CASD1: variants seen among roughly 807,000 people sequenced by gnomAD.
The protein encoded by CASD1 is N-acetylneuraminate (7)9-O-acetyltransferase.
In CASD1, 41 loss-of-function variants were observed where a neutral mutation model predicts 100.0. That is an observed-to-expected ratio of 0.41 (90% CI 0.32 to 0.53). The LOEUF (loss-of-function observed/expected upper bound fraction) is 0.53. Ranked by LOEUF, CASD1 falls within the 20% of genes least tolerant of loss-of-function variation. The pLI is 0.25. For missense variants in CASD1, 774 were observed against 948.7 expected (o/e 0.82, Z 2.42); for synonymous variants, 321 against 315.6 (o/e 1.02, Z -0.18).
the CASD1 span, among the ~76,000 whole-genome samples, chr7:94,591,041 C>A: frequency 7.9e-5 from 12 of 152,216 alleles, 1 homozygote; most frequent in East Asian, 1.7e-3. Context: ...AATAATTCAT[C>A]CCGACGATTA....
At chr7:94,587,586 C>T in the CASD1 span, 2 of 1,374,708 alleles carry the variant, frequency 1.5e-6, no homozygotes, top group Non-Finnish European at 1.9e-6. Context: ...TTAGGTGACT[C>T]ATTTTTATAA....
the CASD1 span, chr7:94,588,016 GT>G: frequency 7.2e-7 from 1 of 1,389,200 alleles, no homozygotes; most frequent in African/African-American, 1.5e-5. Flanking sequence ...GGCATTAATG[GT>G]TCCCTGGCAA....
chr7:94,512,171 C>T (rs1292842406), intron 1 of CASD1, among the ~76,000 whole-genome samples: 2 of 152,174 alleles, frequency 1.3e-5, no homozygotes, highest in Admixed American at 6.5e-5. Flanking sequence ...GGTGGCCAAT[C>T]TTTTGGCTTC....
intron 5 of CASD1, among the ~76,000 whole-genome samples, chr7:94,532,452 A>G (rs1794896813): frequency 1.3e-5 from 2 of 152,160 alleles, no homozygotes; most frequent in Admixed American, 1.3e-4. Context: ...GGTAGCATAT[A>G]CAGCGTGATA....
At chr7:94,618,027 G>C in the CASD1 span, 1 of 152,188 alleles carries the variant, frequency 6.6e-6, no homozygotes. Flanking sequence ...TCAACCTACA[G>C]ATTAAAAATT....
the CASD1 span, chr7:94,619,238 G>A: frequency 3.5e-6 from 1 of 283,926 alleles, no homozygotes; most frequent in Non-Finnish European, 6.6e-6. Context: ...ACTAAGAAAA[G>A]CTAAATCTAC....
At chr7:94,600,364 AAAAT>A in the CASD1 span, 1 of 376,728 alleles carries the variant, frequency 2.7e-6, no homozygotes, top group Admixed American at 4.3e-5. Context: ...TTGTATAACC[AAAAT>A]ATCTAGCCTC....
the CASD1 span, among the ~76,000 whole-genome samples, chr7:94,570,965 G>T: frequency 6.6e-6 from 1 of 151,524 alleles, no homozygotes; most frequent in Non-Finnish European, 1.5e-5. Flanking sequence ...ACTACCTTGA[G>T]CATTTCTTGT....
chr7:94,511,192 A>G (rs1421928892), intron 1 of CASD1, among the ~76,000 whole-genome samples: 1 of 152,210 alleles, frequency 6.6e-6, no homozygotes, highest in East Asian at 1.9e-4. Flanking sequence ...AATACTATCA[A>G]AGCCATTATC....
At chr7:94,608,683 C>T in the CASD1 span, among the ~76,000 whole-genome samples, 63 of 152,126 alleles carry the variant, frequency 4.1e-4, no homozygotes, top group Non-Finnish European at 1.2e-4. Context: ...TACTATAAAG[C>T]TACAGCAATC....
At chr7:94,520,924 T>C (rs915425320) in intron 3 of CASD1, among the ~76,000 whole-genome samples, 3 of 152,208 alleles carry the variant, frequency 2.0e-5, no homozygotes, top group Non-Finnish European at 2.9e-5. Context: ...AAACCCCATC[T>C]CTACTAAAAT....
At chr7:94,607,983 A>T in the CASD1 span, among the ~76,000 whole-genome samples, 1 of 152,214 alleles carries the variant, frequency 6.6e-6, no homozygotes, top group South Asian at 2.1e-4. Context: ...GATAGAGCTG[A>T]TACTAAGATT....
At chr7:94,529,384 A>G (rs1276430608) in intron 5 of CASD1, among the ~76,000 whole-genome samples, 1 of 152,174 alleles carries the variant, frequency 6.6e-6, no homozygotes, top group Non-Finnish European at 1.5e-5. Flanking sequence ...TTCAATTCTC[A>G]TACATTTGTT....
intron 3 of CASD1, among the ~76,000 whole-genome samples, chr7:94,520,742 G>T (rs1449366930): frequency 1.3e-5 from 2 of 152,134 alleles, no homozygotes; most frequent in Admixed American, 6.6e-5. Context: ...CAGATCACGA[G>T]GTCAAGAGAC....
chr7:94,527,103 G>A (rs563752463), intron 3 of CASD1, 59 bp from the exon 4 acceptor site: 74 of 1,277,560 alleles, frequency 5.8e-5, no homozygotes, highest in Non-Finnish European at 7.7e-5. Context: ...GCTAAATGGG[G>A]CATTTTTTAT....
At chr7:94,546,552 C>T (rs1336445102) in intron 12 of CASD1, among the ~76,000 whole-genome samples, 1 of 151,878 alleles carries the variant, frequency 6.6e-6, no homozygotes, top group African/African-American at 2.4e-5. Context: ...TGGACAGCCT[C>T]TGTAGTTTAA....
the CASD1 span, chr7:94,603,261 A>G: frequency 6.3e-7 from 1 of 1,583,316 alleles, no homozygotes; most frequent in Admixed American, 1.7e-5. Context: ...ATTTTTAACT[A>G]AACTTGCAAA....
At chr7:94,623,343 T>G in the CASD1 span, 3 of 1,598,282 alleles carry the variant, frequency 1.9e-6, no homozygotes, top group Admixed American at 1.7e-5. Context: ...GACATTATAT[T>G]AATTATCAAA....
intron 5 of CASD1, among the ~76,000 whole-genome samples, chr7:94,528,699 T>C (rs1245397055): frequency 1.3e-5 from 2 of 152,122 alleles, no homozygotes; most frequent in East Asian, 3.9e-4. Context: ...GCAAGACTAA[T>C]ATGTTTTAGC....
Sources: gnomAD v4.1 joint callset for allele counts (sites outside exome capture counted in the v4.1 genomes callset) on GRCh38, gnomAD v4.1.1 for gene constraint, MANE v1.5 for transcripts, NCBI Gene and HGNC (gene_info 2026-07-23, HGNC 2026-07-21) for gene names.